SLC4A8: variants seen among roughly 807,000 people sequenced by gnomAD.
The protein encoded by SLC4A8 is solute carrier family 4 member 8.
A neutral mutation model predicts 125.0 loss-of-function variants in SLC4A8; 40 were observed. That is an observed-to-expected ratio of 0.32 (90% confidence interval 0.25 to 0.42). The LOEUF is 0.42. Among genes scored for constraint, SLC4A8 ranks in the 10% least tolerant of loss-of-function variants. SLC4A8 has a pLI of 1.00. For synonymous variants in SLC4A8, 456 were observed against 476.0 expected, an observed-to-expected ratio of 0.96 and a Z score of 0.55; for missense variants, 863 against 1,355.1, an observed-to-expected ratio of 0.64 and a Z score of 5.70.
chr12:51,466,943 ATGTG>A (rs5798175), intron 11 of SLC4A8, among the ~76,000 whole-genome samples: 169 of 148,154 alleles, frequency 1.1e-3, no homozygotes, highest in Non-Finnish European at 1.2e-3. Context: ...GCCTCAGAGT[ATGTG>A]TGTGTGTGTG....
Position 51,451,018 on chromosome 12 carries a change from C to A in SLC4A8, c.273C>A (p.Ala91=), listed in dbSNP as rs1049192192. 1.3e-6 allele frequency: 2 copies of A among 1,516,068 alleles called. No homozygotes were observed. Among genetic ancestry groups the A allele is most frequent in the Non-Finnish European group, 1.8e-6 (2 of 1,130,314 alleles). The allele number at this position is 1,516,068 out of a possible 1,614,324, so 93.9% of individuals were successfully genotyped here. The part of the protein sequence containing the change: ...SQGEEGLEAL[A]HDTPSQRVQF... ...GGGAGGAAGGCCTGGAAGCCCTGGC[C>A]CACGGTAAGGGCCTTGGGAGACAGG... is the stretch of plus-strand genomic sequence containing the variant. Residue 91 remains alanine, a synonymous_variant, in exon 3 of 25, where the codon GCC becomes GCA. Coordinates refer to ENST00000453097, the MANE Select transcript of SLC4A8 (RefSeq NM_001039960.3).
At position 51,480,431 on chromosome 12, in the gene SLC4A8, G is replaced by A. The variant is rs568754796; in HGVS notation, c.2172+5225G>A. 1.1e-4 allele frequency: 126 copies of A among 1,111,026 alleles called. 1 individual carries two copies. The African/African-American group carries it at 2.0e-3, about 17-fold the overall frequency. The allele number at this position is 1,111,026 out of a possible 1,614,324, so 68.8% of individuals were successfully genotyped here. On this transcript the variant is annotated intron_variant, in intron 16 of 24. Coordinates refer to ENST00000453097, the MANE Select transcript of SLC4A8 (RefSeq NM_001039960.3). ...CTGTGAGTGAAAAGTGGAATAATAC[G>A]TGGATTGGGTCAACTGATTATCAGC...
intron 10 of SLC4A8, 113 bp downstream of exon 10, chr12:51,462,569 T>C (rs1950364810): frequency 2.5e-6 from 2 of 789,150 alleles, no homozygotes; most frequent in Non-Finnish European, 3.8e-6. Context: ...AGCTCTGTTT[T>C]GGTGCACCTA....
At chr12:51,489,274 A>G (rs981657772) in intron 18 of SLC4A8, among the ~76,000 whole-genome samples, 35 of 152,112 alleles carry the variant, frequency 2.3e-4, no homozygotes, top group Admixed American at 2.2e-3. Flanking sequence ...GATCCTAGGG[A>G]AGTAACAGAG....
rs80163603 is a variant in SLC4A8, at chr12:51,447,479, A to C, written c.131-3397A>C. Among the ~76,000 whole-genome samples the C allele has an allele frequency of 3.1e-3, 470 of 152,248 alleles. 3 individuals carry two copies. The highest frequency in any genetic ancestry group is 0.011 in the African/African-American group (454 of 41,534). ...AAGAAGGAAGATGCATCTGCAGTGC[A>C]TCTTGAATAAGTGAGCCAAGCCAGT... On this transcript the variant is annotated intron_variant, in intron 2 of 24. Coordinates refer to ENST00000453097, the MANE Select transcript of SLC4A8 (RefSeq NM_001039960.3).
rs1938460656 is a variant in SLC4A8, at chr12:51,514,263, C to G, written c.*6825C>G. 6.5e-6 allele frequency: 1 copy of G among 152,694 alleles called. No individual in the cohort carries two copies. The highest frequency in any genetic ancestry group is 1.5e-5 in the Non-Finnish European group (1 of 68,094). The allele number at this position is 152,694 out of a possible 1,614,324, so 9.5% of individuals were successfully genotyped here. ...CACATCCTAGCAGGGCATCCAGGAG[C>G]CTTGCACTGAACCTCTCAGCTCTTT... On this transcript the variant is annotated 3_prime_UTR_variant, in exon 25 of 25. Coordinates refer to ENST00000453097, the MANE Select transcript of SLC4A8 (RefSeq NM_001039960.3).
intron 14 of SLC4A8, among the ~76,000 whole-genome samples, chr12:51,472,094 C>T (rs955021806): frequency 6.6e-6 from 1 of 152,174 alleles, no homozygotes; most frequent in African/African-American, 2.4e-5. Flanking sequence ...ATTATGATTT[C>T]TTTATGTGTT....
intron 4 of SLC4A8, among the ~76,000 whole-genome samples, chr12:51,452,702 T>G (rs1245527075): frequency 6.6e-6 from 1 of 152,214 alleles, no homozygotes. Context: ...GACTTTAACT[T>G]CCTCTGGGAC....
chr12:51,508,059 T>C lies in SLC4A8; in HGVS notation c.*621T>C, dbSNP rs1938242702. Reference sequence around the variant, plus strand: ...GCCACCACAGCCAGGAAGATGCCTCTGACCTGGGTGCATCTCCATCACTCC... The same window carrying C: ...GCCACCACAGCCAGGAAGATGCCTCCGACCTGGGTGCATCTCCATCACTCC... On this transcript the variant is annotated 3_prime_UTR_variant, in exon 25 of 25. Coordinates refer to ENST00000453097, the MANE Select transcript of SLC4A8 (RefSeq NM_001039960.3). 6.6e-6 allele frequency: 1 copy of C among 152,316 alleles called. No homozygotes were observed. The highest frequency in any genetic ancestry group is 2.1e-4 in the South Asian group (1 of 4,836). The allele number at this position is 152,316 out of a possible 1,614,324, so 9.4% of individuals were successfully genotyped here.
At chr12:51,395,608 C>G (rs1350938735) in intron 1 of SLC4A8, among the ~76,000 whole-genome samples, 2 of 152,158 alleles carry the variant, frequency 1.3e-5, no homozygotes, top group Non-Finnish European at 2.9e-5. Context: ...TGAGGGAGAC[C>G]TGCCCTTCAG....
intron 16 of SLC4A8, among the ~76,000 whole-genome samples, chr12:51,481,887 A>G (rs1398494904): frequency 6.6e-6 from 1 of 152,120 alleles, no homozygotes; most frequent in East Asian, 1.9e-4. Flanking sequence ...CAGGGAGGTC[A>G]AAGCTGTAGT....
At position 51,507,741 on chromosome 12, in the gene SLC4A8, AT is replaced by A; in HGVS notation, c.*307del. 2 of 270,310 alleles carry A rather than the reference AT, an allele frequency of 7.4e-6. 1 individual carries two copies. The highest frequency in any genetic ancestry group is 3.4e-4 in the South Asian group (2 of 5,944). 16.7% of individuals were successfully genotyped at this position (270,310 alleles called of 1,614,324 possible). A position where few individuals can be genotyped will look rare whatever the true frequency, so the allele number is the denominator to read the frequency against. On this transcript the variant is annotated 3_prime_UTR_variant, in exon 25 of 25. Coordinates refer to ENST00000453097, the MANE Select transcript of SLC4A8 (RefSeq NM_001039960.3). ...GCCACCATTGAAGACCTAGCTTCCC[AT>A]TTTCCAGACGTTTTCTCTGAAATTC...
chr12:51,434,585 C>T (rs1406244263), intron 1 of SLC4A8, among the ~76,000 whole-genome samples: 1 of 152,162 alleles, frequency 6.6e-6, no homozygotes, highest in South Asian at 2.1e-4. Context: ...ATTAAGGAAA[C>T]TAACAAACAG....
intron 11 of SLC4A8, among the ~76,000 whole-genome samples, chr12:51,464,572 G>A (rs1318049911): frequency 6.6e-6 from 1 of 152,126 alleles, no homozygotes; most frequent in Non-Finnish European, 1.5e-5. Flanking sequence ...GATATCCAGG[G>A]GTGTCCCCAG....
At chr12:51,492,524 G>A (rs761677433) in intron 19 of SLC4A8, among the ~76,000 whole-genome samples, 3 of 152,154 alleles carry the variant, frequency 2.0e-5, no homozygotes, top group Admixed American at 6.6e-5. Flanking sequence ...CCATGAAGGC[G>A]CGGCAGTGGC....
intron 1 of SLC4A8, chr12:51,403,421 T>G: frequency 2.8e-6 from 1 of 356,864 alleles, no homozygotes; most frequent in Non-Finnish European, 5.7e-6. Context: ...GGTTTGAGGG[T>G]GGGCAAGAAT....
At chr12:51,404,668 C>T (rs936232005) in intron 1 of SLC4A8, among the ~76,000 whole-genome samples, 1 of 152,136 alleles carries the variant, frequency 6.6e-6, no homozygotes. Context: ...GTCAACTTGA[C>T]CGTGAAGCCA....
intron 1 of SLC4A8, among the ~76,000 whole-genome samples, chr12:51,410,960 A>G (rs991060994): frequency 6.2e-5 from 9 of 146,204 alleles, no homozygotes; most frequent in Admixed American, 2.1e-4. Context: ...CTGTAACCTC[A>G]AACTCCTGGG....
intron 2 of SLC4A8, among the ~76,000 whole-genome samples, chr12:51,449,559 GGTC>G (rs1949897539): frequency 6.6e-6 from 1 of 152,162 alleles, no homozygotes; most frequent in African/African-American, 2.4e-5. Flanking sequence ...GTGGGGAATG[GGTC>G]TGAGATCTAG....
Sources: gnomAD v4.1 joint callset for allele counts (sites outside exome capture counted in the v4.1 genomes callset) on GRCh38, gnomAD v4.1.1 for gene constraint, MANE v1.5 for transcripts, NCBI Gene and HGNC (gene_info 2026-07-23, HGNC 2026-07-21) for gene names.